CAMTA1: variants seen among roughly 807,000 people sequenced by gnomAD.
CAMTA1 encodes the protein calmodulin-binding transcription activator 1.
CAMTA1 carries 27 observed loss-of-function variants against 170.9 expected under a neutral mutation model. The ratio of observed to expected loss-of-function variants is 0.16; its 90% CI spans 0.12 to 0.22. The LOEUF (loss-of-function observed/expected upper bound fraction) is 0.22, where lower values mean the gene tolerates loss of function less well. Among genes scored for constraint, CAMTA1 ranks in the 10% least tolerant of loss-of-function variants. CAMTA1 has a pLI of 1.00. For synonymous variants in CAMTA1, 833 were observed against 891.5 expected (o/e 0.93, Z 1.17); for missense variants, 1,619 against 2,217.2 (o/e 0.73, Z 5.42).
intron 5 of CAMTA1, among the ~76,000 whole-genome samples, chr1:7,360,832 C>G (rs531036019): frequency 6.6e-6 from 1 of 152,312 alleles, no homozygotes; most frequent in Admixed American, 6.5e-5. Context: ...TTCTCCACGC[C>G]GGAGTTGCCT....
At chr1:6,904,544 C>T (rs1429289667) in intron 3 of CAMTA1, among the ~76,000 whole-genome samples, 3 of 148,956 alleles carry the variant, frequency 2.0e-5, no homozygotes, top group East Asian at 2.0e-4. Context: ...CTTTTTTTTT[C>T]TTTCTTTCTT....
At chr1:7,086,587 C>G (rs1640778527) in intron 3 of CAMTA1, among the ~76,000 whole-genome samples, 1 of 152,172 alleles carries the variant, frequency 6.6e-6, no homozygotes, top group Non-Finnish European at 1.5e-5. Context: ...TTCCCCCAAC[C>G]CTTGGCAACC....
At chr1:7,210,721 T>A (rs1301848179) in intron 4 of CAMTA1, among the ~76,000 whole-genome samples, 1 of 152,218 alleles carries the variant, frequency 6.6e-6, no homozygotes, top group Non-Finnish European at 1.5e-5. Flanking sequence ...TGTACCAAAT[T>A]GGAAAGCTTT....
intron 5 of CAMTA1, among the ~76,000 whole-genome samples, chr1:7,369,917 T>C (rs549333984): frequency 1.8e-4 from 27 of 152,314 alleles, no homozygotes; most frequent in South Asian, 4.1e-4. Flanking sequence ...TAGAGTACTA[T>C]GTAGGAGAGT....
chr1:7,109,411 C>G (rs1643882626), intron 4 of CAMTA1, among the ~76,000 whole-genome samples: 1 of 152,158 alleles, frequency 6.6e-6, no homozygotes, highest in African/African-American at 2.4e-5. Flanking sequence ...TGGCACTGGG[C>G]AAAGCATTCT....
chr1:6,804,098 C>T (rs956369741), intron 1 of CAMTA1, among the ~76,000 whole-genome samples: 1 of 151,786 alleles, frequency 6.6e-6, no homozygotes, highest in South Asian at 2.1e-4. Flanking sequence ...GCAGGAGAAT[C>T]AGTTGAACCC....
At chr1:7,413,169 T>C (rs2090917226) in intron 5 of CAMTA1, among the ~76,000 whole-genome samples, 1 of 152,188 alleles carries the variant, frequency 6.6e-6, no homozygotes, top group Non-Finnish European at 1.5e-5. Context: ...CCTTGTAGTA[T>C]AGTTTGAAGT....
At chr1:6,846,720 A>G (rs1353961898) in intron 3 of CAMTA1, among the ~76,000 whole-genome samples, 1 of 152,212 alleles carries the variant, frequency 6.6e-6, no homozygotes, top group African/African-American at 2.4e-5. Flanking sequence ...AAACTAGGCT[A>G]GACAGACAAG....
intron 11 of CAMTA1, among the ~76,000 whole-genome samples, chr1:7,689,250 A>G (rs1576893528): frequency 7.8e-6 from 1 of 128,700 alleles, no homozygotes; most frequent in East Asian, 2.5e-4. Context: ...CTGGATGACA[A>G]AAGTGAAACT....
At chr1:7,477,158 G>T (rs1391611442) in intron 6 of CAMTA1, among the ~76,000 whole-genome samples, 9 of 152,194 alleles carry the variant, frequency 5.9e-5, no homozygotes, top group Non-Finnish European at 1.3e-4. Context: ...AACTCACTCA[G>T]TCCAGAAGCT....
chr1:7,403,706 G>A (rs2090082799), intron 5 of CAMTA1, among the ~76,000 whole-genome samples: 1 of 152,200 alleles, frequency 6.6e-6, no homozygotes, highest in Non-Finnish European at 1.5e-5. Context: ...TGGCTGCAGG[G>A]TCAGCACTGC....
Position 6,861,772 on chromosome 1 carries a change from A to G in CAMTA1, c.234+36562A>G, listed in dbSNP as rs552790749. 1.9e-4 allele frequency among the ~76,000 whole-genome samples: 29 copies of G among 152,244 alleles called. No individual in the cohort carries two copies. In the South Asian group the frequency reaches 5.4e-3, roughly 28 times the overall value. ...TTGTCTTAACCATTTAAACATTCAC[A>G]TTGCTGTGCAACCATCAGCACCATC... is the stretch of plus-strand genomic sequence containing the variant. On this transcript the variant is annotated intron_variant, in intron 3 of 22. Coordinates refer to ENST00000303635, the MANE Select transcript of CAMTA1 (RefSeq NM_015215.4).
intron 5 of CAMTA1, among the ~76,000 whole-genome samples, chr1:7,278,469 C>T (rs765011441): frequency 1.3e-5 from 2 of 152,176 alleles, no homozygotes; most frequent in Admixed American, 6.5e-5. Flanking sequence ...ATGGAAGCTA[C>T]CCTTTACTAC....
At position 7,063,261 on chromosome 1, in the gene CAMTA1, A is replaced by T. The variant is rs1434831831; in HGVS notation, c.235-28043A>T. On this transcript the variant is annotated intron_variant, in intron 3 of 22. Coordinates refer to ENST00000303635, the MANE Select transcript of CAMTA1 (RefSeq NM_015215.4). This position sits in a 1 kb window ranked among gnomAD's most constrained non-coding sequence, Gnocchi z 4.3. ...CCTAACATCAGGTCAAATCCGGCCTAGAATTCCTAGTGGAAAGACAGGGAC... is the reference window on the plus strand; with the variant it reads ...CCTAACATCAGGTCAAATCCGGCCTTGAATTCCTAGTGGAAAGACAGGGAC... Among the ~76,000 whole-genome samples the T allele has an allele frequency of 6.6e-6, 1 of 152,228 alleles. No individual in the cohort carries two copies. Among genetic ancestry groups the T allele is most frequent in the Non-Finnish European group, 1.5e-5 (1 of 68,038 alleles).
intron 5 of CAMTA1, among the ~76,000 whole-genome samples, chr1:7,424,027 C>G (rs2091736797): frequency 6.6e-6 from 1 of 152,136 alleles, no homozygotes; most frequent in South Asian, 2.1e-4. Context: ...CCATGCGGCA[C>G]CTTTCTTGGG....
At chr1:7,284,175 TTCTTATTA>T (rs1393563651) in intron 5 of CAMTA1, among the ~76,000 whole-genome samples, 1 of 102,652 alleles carries the variant, frequency 9.7e-6, no homozygotes, top group Non-Finnish European at 2.0e-5. Flanking sequence ...CTTCTTCTTC[TTCTTATTA>T]TTATTATTAT....
intron 5 of CAMTA1, among the ~76,000 whole-genome samples, chr1:7,390,832 G>A (rs987466743): frequency 4.6e-4 from 70 of 152,224 alleles, no homozygotes; most frequent in African/African-American, 1.6e-3. Context: ...CCAGGGTGAC[G>A]TGACTCCACA....
chr1:6,996,101 C>T (rs571665008), intron 3 of CAMTA1, among the ~76,000 whole-genome samples: 24 of 152,320 alleles, frequency 1.6e-4, no homozygotes, highest in South Asian at 6.2e-4. Context: ...CTGGGAAGTG[C>T]GGTCCTTTCT....
chr1:7,168,755 T>C (rs567003003), intron 4 of CAMTA1, among the ~76,000 whole-genome samples: 1 of 152,338 alleles, frequency 6.6e-6, no homozygotes, highest in African/African-American at 2.4e-5. Context: ...AGAAATAAAC[T>C]TGAAGTTCTA....
Sources: gnomAD v4.1 joint callset for allele counts (sites outside exome capture counted in the v4.1 genomes callset) on GRCh38, gnomAD v4.1.1 for gene constraint, Gnocchi (gnomAD v3.1) non-coding constraint, MANE v1.5 for transcripts, NCBI Gene and HGNC (gene_info 2026-07-23, HGNC 2026-07-21) for gene names.